The following IQSEC1 variants were observed in gnomAD, a reference collection of about 807,000 sequenced individuals.
The protein encoded by IQSEC1 is IQ motif and Sec7 domain ArfGEF 1, also known as IQ motif and SEC7 domain-containing protein 1.
IQSEC1 carries 31 observed loss-of-function variants against 91.0 expected under a neutral mutation model. The observed-to-expected ratio is 0.34, with a 90% CI of 0.26 to 0.46. The LOEUF (loss-of-function observed/expected upper bound fraction) is 0.46, where lower values mean the gene tolerates loss of function less well. Ranked by LOEUF, IQSEC1 falls within the 20% of genes least tolerant of loss-of-function variation. The pLI is 1.00. For missense variants in IQSEC1, 1,388 were observed against 1,575.6 expected (o/e 0.88, Z 2.02); for synonymous variants, 699 against 662.6 (o/e 1.05, Z -0.84).
chr3:13,059,389 C>A (rs1704988932), intron 1 of IQSEC1, among the ~76,000 whole-genome samples: 1 of 152,210 alleles, frequency 6.6e-6, no homozygotes, highest in African/African-American at 2.4e-5. Flanking sequence ...GCCTCGGCCT[C>A]CCCATCAGAC....
chr3:12,996,696 T>C (rs906130190), intron 1 of IQSEC1, among the ~76,000 whole-genome samples: 1 of 152,114 alleles, frequency 6.6e-6, no homozygotes, highest in Non-Finnish European at 1.5e-5. Context: ...CTCTAATACA[T>C]AAACAGGTCT....
chr3:13,060,265 G>A (rs1705019567), intron 1 of IQSEC1, among the ~76,000 whole-genome samples: 1 of 152,210 alleles, frequency 6.6e-6, no homozygotes, highest in African/African-American at 2.4e-5. Flanking sequence ...GGTGGAAATG[G>A]TCTGTGCATG....
In IQSEC1 at chr3:13,026,864, G is replaced by GCTTTTTTTTTTTTTTTTTTT. The variant is rs370534423; in HGVS notation, c.23+46127_23+46128insAAAAAAAAAAAAAAAAAAAG. On this transcript the variant is annotated intron_variant, in intron 1 of 13. Transcript: ENST00000613206. ...TGAAGTAGCAGTTATTATCTCCCCAGTTTTTTTTTTTTTTGTTTGTTTTTT... is the reference window on the plus strand; with the variant it reads ...TGAAGTAGCAGTTATTATCTCCCCAGCTTTTTTTTTTTTTTTTTTTTTTTTTTTTTTTTTGTTTGTTTTTT... 3.3e-5 allele frequency among the ~76,000 whole-genome samples: 3 copies of GCTTTTTTTTTTTTTTTTTTT among 90,864 alleles called. 1 individual carries two copies. The highest frequency in any genetic ancestry group is 2.5e-5 in the Non-Finnish European group (1 of 40,730). 59.6% of individuals were successfully genotyped at this position (90,864 alleles called of 152,430 possible).
At chr3:12,907,335 G>A (rs1176920557) in intron 12 of IQSEC1, among the ~76,000 whole-genome samples, 2 of 152,228 alleles carry the variant, frequency 1.3e-5, no homozygotes, top group African/African-American at 2.4e-5. Flanking sequence ...AGGTGCGGGA[G>A]GGAGTCCTAA....
At chr3:13,040,883 C>T (rs1328861504) in intron 1 of IQSEC1, among the ~76,000 whole-genome samples, 1 of 152,208 alleles carries the variant, frequency 6.6e-6, no homozygotes, top group African/African-American at 2.4e-5. Context: ...CTGACCGCGA[C>T]TCATGCCTGG....
intron 1 of IQSEC1, among the ~76,000 whole-genome samples, chr3:13,180,338 G>A (rs357142): frequency 0.54 from 82,107 of 150,744 alleles, 22,438 homozygotes; most frequent in Non-Finnish European, 0.58. Flanking sequence ...TCTGTATCTA[G>A]CTACTCTGGT....
At chr3:12,923,411 C>T (rs995098350) in intron 4 of IQSEC1, among the ~76,000 whole-genome samples, 3 of 152,182 alleles carry the variant, frequency 2.0e-5, no homozygotes, top group African/African-American at 7.2e-5. Context: ...GGGGCAGTAG[C>T]CACCCTAACG....
At chr3:12,911,763 G>GCCCCCCGAGACACTGTAGC in intron 9 of IQSEC1, 35 bp from the exon 10 acceptor site, 1 of 1,428,232 alleles carries the variant, frequency 7.0e-7, no homozygotes, top group Non-Finnish European at 9.8e-7. Context: ...GAGCTACAGT[G>GCCCCCCGAGACACTGTAGC]TCTCGGGGGG....
rs1182981076 is a variant in IQSEC1 at position 12,967,172 on chromosome 3, T to TC, written c.24-25308dup. Among the ~76,000 whole-genome samples, 1 of 152,042 alleles carries TC rather than the reference T, an allele frequency of 6.6e-6. No homozygotes were observed. The highest frequency in any genetic ancestry group is 1.5e-5 in the Non-Finnish European group (1 of 68,008). On this transcript the variant is annotated intron_variant, in intron 1 of 13. Coordinates refer to ENST00000613206, the MANE Select transcript of IQSEC1 (RefSeq NM_001134382.3). The surrounding 1 kb of genome is among the most constrained non-coding windows in gnomAD (Gnocchi z 5.9). ...AGCGCTCCTGTCCCAAGGGCGCGTC[T>TC]CTCTCTCCCACGCACAAACTCGGGT...
chr3:12,915,706 C>T lies in IQSEC1; in HGVS notation c.2048G>A (p.Arg683His), dbSNP rs755586675. Reference sequence around the variant, plus strand: ...TTCATAGATCCCCATCAGCATCTCACGGGGAATGTCCTCACCATCGTCCAC... The same window carrying T: ...TTCATAGATCCCCATCAGCATCTCATGGGGAATGTCCTCACCATCGTCCAC... ...RGVDDGEDIP[R>H]EMLMGIYERI... Residue 683 changes from arginine to histidine, a missense_variant, in exon 7 of 14, where the codon CGT (arginine) becomes CAT (histidine). Around this residue, in one of 2 missense-constraint regions of IQSEC1, gnomAD observed 1,059 missense variants for 1,317.8 expected, o/e 0.80. Coordinates refer to ENST00000613206, the MANE Select transcript of IQSEC1 (RefSeq NM_001134382.3). 4.0e-5 allele frequency: 64 copies of T among 1,613,980 alleles called. No homozygotes were observed. The highest frequency in any genetic ancestry group is 8.9e-5 in the East Asian group (4 of 44,892).
intron 1 of IQSEC1, among the ~76,000 whole-genome samples, chr3:13,277,877 C>A (rs145664962): frequency 9.2e-5 from 14 of 152,278 alleles, no homozygotes; most frequent in African/African-American, 3.1e-4. Flanking sequence ...CTCAGCCCCC[C>A]GCCCCTGGCC....
upstream of IQSEC1, among the ~76,000 whole-genome samples, chr3:13,073,484 C>T (rs1414410021): frequency 6.6e-6 from 1 of 152,130 alleles, no homozygotes; most frequent in East Asian, 1.9e-4. Context: ...CAAGGAGCAA[C>T]GTAGTGCGGC....
At chr3:13,078,871 C>T (rs1705603837) in intron 2 of IQSEC1, among the ~76,000 whole-genome samples, 1 of 152,244 alleles carries the variant, frequency 6.6e-6, no homozygotes, top group Admixed American at 6.5e-5. Context: ...TCTGCCCCTA[C>T]TTCTCACCCT....
intron 1 of IQSEC1, among the ~76,000 whole-genome samples, chr3:12,986,188 G>GCTA: frequency 1.3e-5 from 2 of 152,374 alleles, no homozygotes; most frequent in South Asian, 4.1e-4. Flanking sequence ...CTGACAGCAT[G>GCTA]CTACAGGGAA....
chr3:12,942,265 G>A (rs980204026), intron 1 of IQSEC1, among the ~76,000 whole-genome samples: 7 of 152,102 alleles, frequency 4.6e-5, no homozygotes, highest in South Asian at 2.1e-4. Context: ...GAATTCTGTC[G>A]CCTTTTCTCC....
rs142865476 is a variant in IQSEC1 at position 12,973,156 on chromosome 3, A to G, written c.24-31291T>C. On this transcript the variant is annotated intron_variant, in intron 1 of 13. Coordinates refer to ENST00000613206, the MANE Select transcript of IQSEC1 (RefSeq NM_001134382.3). ...CCTAGGCTTCTGGCCCGGGTTTCCT[A>G]CGTGACACTGAACTGCTCAGGCACC... Among the ~76,000 whole-genome samples the G allele has an allele frequency of 1.7e-4, 26 of 152,208 alleles. No individual in the cohort carries two copies. The East Asian group carries it at 5.0e-3, about 29-fold the overall frequency.
intron 1 of IQSEC1, among the ~76,000 whole-genome samples, chr3:13,175,477 C>T (rs1276486190): frequency 2.0e-5 from 3 of 152,204 alleles, no homozygotes; most frequent in Admixed American, 2.0e-4. Flanking sequence ...TTGAAGAACA[C>T]AGGATCGCCC....
chr3:12,911,558 C>T (rs950734278), intron 10 of IQSEC1, 71 bp downstream of exon 10: 31 of 1,228,524 alleles, frequency 2.5e-5, no homozygotes, highest in East Asian at 7.0e-5. Context: ...GTTCTGTCCT[C>T]GAAGCAGCCA....
intron 1 of IQSEC1, among the ~76,000 whole-genome samples, chr3:13,026,874 T>G (rs1393190986): frequency 3.9e-5 from 2 of 51,890 alleles, no homozygotes; most frequent in Admixed American, 3.4e-4. Context: ...GTTTTTTTTT[T>G]TTTTGTTTGT....
Sources: gnomAD v4.1 joint callset for allele counts (sites outside exome capture counted in the v4.1 genomes callset) on GRCh38, gnomAD v4.1.1 for gene constraint, gnomAD v4.1.1 regional missense constraint, Gnocchi (gnomAD v3.1) non-coding constraint, MANE v1.5 for transcripts, NCBI Gene and HGNC (gene_info 2026-07-23, HGNC 2026-07-21) for gene names.